Variants in WT1 observed in about 807,000 individuals in gnomAD.
WT1 encodes the protein WT1 transcription factor.
Under a neutral mutation model 60.8 loss-of-function variants are expected in WT1, and 8 were observed. The observed-to-expected ratio is 0.13, with a 90% CI of 0.08 to 0.24. The LOEUF (loss-of-function observed/expected upper bound fraction) is 0.24, where lower values mean the gene tolerates loss of function less well. Ranked by LOEUF, WT1 falls within the 10% of genes least tolerant of loss-of-function variation. WT1 has a pLI of 1.00. For missense variants in WT1, 568 were observed against 711.8 expected, an observed-to-expected ratio of 0.80 and a Z score of 2.30; for synonymous variants, 312 against 297.1, an observed-to-expected ratio of 1.05 and a Z score of -0.52.
At position 32,402,404 on chromosome 11, in the gene WT1, T is replaced by C. The variant is rs539456026; in HGVS notation, c.1017-2360A>G. On this transcript the variant is annotated intron_variant, in intron 5 of 9. Transcript: ENST00000452863. ...CAGACAGTGGGAAAGTGAGAGGTGA[T>C]GACAATGGCCATTTGGCAGCAGAAA... is the stretch of plus-strand genomic sequence containing the variant. Among the ~76,000 whole-genome samples, 3 of 152,352 alleles carry C rather than the reference T, an allele frequency of 2.0e-5. No homozygotes were observed. In the East Asian group the frequency reaches 5.8e-4, roughly 29 times the overall value.
intron 3 of WT1, among the ~76,000 whole-genome samples, chr11:32,426,558 G>C (rs959076371): frequency 6.6e-6 from 1 of 152,198 alleles, no homozygotes; most frequent in African/African-American, 2.4e-5. Context: ...TCTAGCTAGG[G>C]ACGCAGAAAA....
At chr11:32,431,543 T>C (rs1853311458) in intron 1 of WT1, among the ~76,000 whole-genome samples, 1 of 151,596 alleles carries the variant, frequency 6.6e-6, no homozygotes, top group African/African-American at 2.4e-5. Context: ...TTCAAACGAT[T>C]CTTGTGCCTC....
At chr11:32,430,456 GAGA>G (rs1853253505) in intron 1 of WT1, 1 of 212,070 alleles carries the variant, frequency 4.7e-6, no homozygotes, top group African/African-American at 4.8e-5. Context: ...GAGAGGGAGG[GAGA>G]GAGAGAGAGA....
chr11:32,412,732 A>AGGCCGGACGCGGTGGCTCACGCCTG (rs757445559), intron 5 of WT1, among the ~76,000 whole-genome samples: 1 of 150,138 alleles, frequency 6.7e-6, no homozygotes, highest in African/African-American at 2.5e-5. Flanking sequence ...ATCTAATTTC[A>AGGCCGGACGCGGTGGCTCACGCCTG]TTTGTTTGGG....
intron 5 of WT1, among the ~76,000 whole-genome samples, chr11:32,406,436 T>C (rs1852311814): frequency 1.3e-5 from 2 of 152,078 alleles, no homozygotes; most frequent in African/African-American, 2.4e-5. Flanking sequence ...TGGCTATAAA[T>C]ACAGATCAAG....
chr11:32,390,662 G>A (rs1286444863), intron 9 of WT1, among the ~76,000 whole-genome samples: 1 of 152,176 alleles, frequency 6.6e-6, no homozygotes, highest in Admixed American at 6.5e-5. Context: ...CAGCAGTGCT[G>A]TTAAGGGCTG....
chr11:32,433,721 C>A (rs543849715), intron 1 of WT1, among the ~76,000 whole-genome samples: 159 of 152,354 alleles, frequency 1.0e-3, no homozygotes, highest in Non-Finnish European at 2.0e-3. Flanking sequence ...GCCGCCCAGG[C>A]GAAAGAGAGG....
chr11:32,428,571 G>A lies in WT1; in HGVS notation c.710C>T (p.Pro237Leu), dbSNP rs760776653. 8 of 1,613,952 alleles carry A rather than the reference G, an allele frequency of 5.0e-6. No individual in the cohort carries two copies. In the Admixed American group the frequency reaches 5.0e-5, roughly 10 times the overall value. ...GGGGAACTGCGCCGCATGGTGCGAG[G>A]GCGTGTGACCGTAGCTGGGCGTCCC... The change falls in exon 2 of 10, where the codon CCC becomes CTC. Residue 237 changes from proline (P) to leucine (L), a missense_variant. By Grantham distance (98) the Pro-to-Leu change is moderately conservative. Around this residue, in one of 3 missense-constraint regions of WT1, gnomAD observed 523 missense variants for 565.1 expected, o/e 0.93. Transcript: ENST00000452863.
chr11:32,428,865 A>G (rs5030163), intron 1 of WT1: 111 of 591,076 alleles, frequency 1.9e-4, no homozygotes, highest in African/African-American at 1.9e-3. Flanking sequence ...GCTTTTTCCC[A>G]ATTTATTTAT....
At chr11:32,396,179 G>C (rs762556997) in intron 7 of WT1, 78 bp downstream of exon 7, 1 of 1,595,250 alleles carries the variant, frequency 6.3e-7, no homozygotes. Context: ...AAATAACCTG[G>C]GTCCTTAGCA....
At chr11:32,399,596 A>G (rs1237576198) in intron 6 of WT1, among the ~76,000 whole-genome samples, 2 of 152,228 alleles carry the variant, frequency 1.3e-5, no homozygotes, top group African/African-American at 4.8e-5. Context: ...TACGATGTAG[A>G]CCAAATCTTA....
intron 9 of WT1, 131 bp downstream of exon 9, chr11:32,391,841 A>G (rs1851826038): frequency 1.2e-5 from 11 of 889,658 alleles, no homozygotes; most frequent in Non-Finnish European, 2.1e-5. Context: ...GCCACGCACT[A>G]TTCCTTCTCT....
At chr11:32,400,240 T>C in intron 5 of WT1, 196 bp from the exon 6 acceptor site, 1 of 663,044 alleles carries the variant, frequency 1.5e-6, no homozygotes, top group Non-Finnish European at 2.7e-6. Context: ...GGCCGCCACC[T>C]CGCAGCCCCT....
chr11:32,432,534 T>C (rs1001014790), intron 1 of WT1, among the ~76,000 whole-genome samples: 7 of 152,224 alleles, frequency 4.6e-5, no homozygotes, highest in African/African-American at 1.7e-4. Context: ...AACTTAAACC[T>C]GGAGATGGTG....
At chr11:32,421,627 G>A (rs1196828144) in intron 3 of WT1, among the ~76,000 whole-genome samples, 1 of 152,138 alleles carries the variant, frequency 6.6e-6, no homozygotes, top group Admixed American at 6.5e-5. Flanking sequence ...CAAAAAGGGG[G>A]AGCTTAAAAG....
intron 5 of WT1, among the ~76,000 whole-genome samples, chr11:32,416,016 C>T (rs1206762381): frequency 6.6e-6 from 1 of 152,002 alleles, no homozygotes; most frequent in Non-Finnish European, 1.5e-5. Context: ...GGGGAAGGTG[C>T]GAATGTTTGG....
At chr11:32,430,451 GGAGGGAGAGA>G in intron 1 of WT1, 4 of 917,108 alleles carry the variant, frequency 4.4e-6, no homozygotes, top group Non-Finnish European at 5.8e-6. Flanking sequence ...AGAGAGAGAG[GGAGGGAGAGA>G]GAGAGAGAGA....
At chr11:32,406,173 T>A (rs1161683091) in intron 5 of WT1, among the ~76,000 whole-genome samples, 1 of 152,118 alleles carries the variant, frequency 6.6e-6, no homozygotes, top group Non-Finnish European at 1.5e-5. Flanking sequence ...GTCCCCCATG[T>A]TTTTGGCACC....
chr11:32,431,812 C>T (rs1853322341), intron 1 of WT1, among the ~76,000 whole-genome samples: 1 of 152,118 alleles, frequency 6.6e-6, no homozygotes, highest in South Asian at 2.1e-4. Context: ...TCAACCCCCA[C>T]ACATGGACTA....
Sources: gnomAD v4.1 joint callset for allele counts (sites outside exome capture counted in the v4.1 genomes callset) on GRCh38, gnomAD v4.1.1 for gene constraint, gnomAD v4.1.1 regional missense constraint, MANE v1.5 for transcripts, NCBI Gene and HGNC (gene_info 2026-07-23, HGNC 2026-07-21) for gene names.